Variants in SDK1 observed in about 807,000 individuals in gnomAD.
The protein encoded by SDK1 is sidekick cell adhesion molecule 1.
In SDK1, 157 loss-of-function variants were observed where a neutral mutation model predicts 245.5. The observed-to-expected ratio is 0.64, with a 90% CI of 0.56 to 0.73. The LOEUF (loss-of-function observed/expected upper bound fraction) is 0.73, where lower values mean the gene tolerates loss of function less well. SDK1 is among the 30% of genes least tolerant of loss of function. The probability of loss-of-function intolerance (pLI) is 0.00; values close to 1 mark genes in which losing one functional copy is unlikely to be tolerated. For synonymous variants in SDK1, 1,647 were observed against 1,278.5 expected (o/e 1.29, Z -6.15); for missense variants, 3,583 against 3,002.3 (o/e 1.19, Z -4.52).
intron 4 of SDK1, among the ~76,000 whole-genome samples, chr7:3,779,393 A>C (rs1780657545): frequency 6.6e-6 from 1 of 152,064 alleles, no homozygotes; most frequent in African/African-American, 2.4e-5. Flanking sequence ...GACAGATGGG[A>C]GACATCGAAC....
intron 4 of SDK1, among the ~76,000 whole-genome samples, chr7:3,730,341 T>C (rs530661121): frequency 6.6e-6 from 1 of 152,364 alleles, no homozygotes; most frequent in South Asian, 2.1e-4. Flanking sequence ...ATCAGGCTGC[T>C]TTCTTCAGCC....
intron 4 of SDK1, among the ~76,000 whole-genome samples, chr7:3,685,015 A>T (rs933661481): frequency 1.3e-5 from 2 of 152,158 alleles, no homozygotes; most frequent in African/African-American, 4.8e-5. Context: ...GAGAGGTAAC[A>T]TTGGTATCAT....
At chr7:3,941,274 G>C (rs758694127) in intron 5 of SDK1, among the ~76,000 whole-genome samples, 1 of 151,922 alleles carries the variant, frequency 6.6e-6, no homozygotes, top group East Asian at 1.9e-4. Flanking sequence ...TTCCCAAACC[G>C]TGTGGTAGGC....
chr7:3,863,056 C>G (rs554295312), intron 5 of SDK1, among the ~76,000 whole-genome samples: 1 of 152,176 alleles, frequency 6.6e-6, no homozygotes, highest in African/African-American at 2.4e-5. Flanking sequence ...GGAACCCATA[C>G]CAGTCTGCGG....
chr7:3,526,355 ATTT>A (rs1783130813), intron 1 of SDK1, among the ~76,000 whole-genome samples: 1 of 152,126 alleles, frequency 6.6e-6, no homozygotes, highest in Non-Finnish European at 1.5e-5. Flanking sequence ...ATCTGGCAAT[ATTT>A]TTCACATATT....
At chr7:3,343,450 C>T (rs1335757663) in intron 1 of SDK1, among the ~76,000 whole-genome samples, 1 of 152,032 alleles carries the variant, frequency 6.6e-6, no homozygotes, top group Admixed American at 6.5e-5. Flanking sequence ...TATGAAATGA[C>T]AAAATTCTAG....
At chr7:3,561,270 C>T (rs1270697055) in intron 1 of SDK1, among the ~76,000 whole-genome samples, 1 of 152,202 alleles carries the variant, frequency 6.6e-6, no homozygotes, top group African/African-American at 2.4e-5. Flanking sequence ...CTAACACCCT[C>T]AAAAGACTGC....
At chr7:3,687,207 C>T (rs1230215029) in intron 4 of SDK1, among the ~76,000 whole-genome samples, 1 of 148,592 alleles carries the variant, frequency 6.7e-6, no homozygotes, top group African/African-American at 2.5e-5. Flanking sequence ...GAGTCTCTCT[C>T]TGTCGCCAGG....
At chr7:3,920,417 G>C (rs921177322) in intron 5 of SDK1, among the ~76,000 whole-genome samples, 2 of 152,266 alleles carry the variant, frequency 1.3e-5, no homozygotes, top group East Asian at 3.9e-4. Flanking sequence ...GTCAAGGTCA[G>C]CGGGATTTAT....
At chr7:3,755,346 C>T (rs926777820) in intron 4 of SDK1, among the ~76,000 whole-genome samples, 1 of 152,118 alleles carries the variant, frequency 6.6e-6, no homozygotes, top group African/African-American at 2.4e-5. Flanking sequence ...CTGTTCGGTG[C>T]CCATGACTGC....
intron 25 of SDK1, among the ~76,000 whole-genome samples, chr7:4,117,279 G>T (rs1406335165): frequency 1.3e-5 from 2 of 152,060 alleles, no homozygotes; most frequent in Non-Finnish European, 2.9e-5. Flanking sequence ...ACCAGCCTAG[G>T]CAACATAGTG....
At chr7:3,566,557 G>C (rs931419491) in intron 1 of SDK1, among the ~76,000 whole-genome samples, 5 of 152,068 alleles carry the variant, frequency 3.3e-5, no homozygotes, top group African/African-American at 1.2e-4. Flanking sequence ...AGCAGTAGAG[G>C]AAAATTGATC....
chr7:4,213,580 T>C (rs1457538831), intron 38 of SDK1, among the ~76,000 whole-genome samples: 1 of 148,430 alleles, frequency 6.7e-6, no homozygotes, highest in Non-Finnish European at 1.5e-5. Flanking sequence ...CGAGATTCTG[T>C]CTCAAAAAAA....
At chr7:3,895,666 A>G (rs1159361433) in intron 5 of SDK1, among the ~76,000 whole-genome samples, 1 of 152,172 alleles carries the variant, frequency 6.6e-6, no homozygotes, top group African/African-American at 2.4e-5. Flanking sequence ...AGTTGCGTAA[A>G]GTGGATACTT....
intron 17 of SDK1, among the ~76,000 whole-genome samples, chr7:4,039,432 G>T (rs1428568791): frequency 6.6e-6 from 1 of 152,108 alleles, no homozygotes; most frequent in Non-Finnish European, 1.5e-5. Flanking sequence ...AAAGTGGCCT[G>T]TAGGCCTTAA....
chr7:3,639,191 T>A (rs902281401), intron 3 of SDK1, 81 bp downstream of exon 3: 3 of 690,858 alleles, frequency 4.3e-6, no homozygotes, highest in Admixed American at 5.1e-5. Flanking sequence ...TTTTCACCAT[T>A]GTAGGAACTG....
intron 5 of SDK1, among the ~76,000 whole-genome samples, chr7:3,868,741 C>T (rs1362148383): frequency 2.0e-5 from 3 of 152,158 alleles, no homozygotes; most frequent in African/African-American, 4.8e-5. Context: ...AAACCAAGGG[C>T]ACTTCCAGGG....
rs1562595131 is a variant in SDK1 at position 3,603,183 on chromosome 7, A to G, written c.299-15897A>G. 3.6e-5 allele frequency among the ~76,000 whole-genome samples: 5 copies of G among 137,126 alleles called. No homozygotes were observed. In the South Asian group the frequency reaches 1.1e-3, roughly 31 times the overall value. The allele number at this position is 137,126 out of a possible 152,430, so 90.0% of individuals were successfully genotyped here. ...GATGCGGGCTCTTTTTTGGTTCCAG[A>G]TGAACTTTAAAGTAGTTTTTTCCAA... On this transcript the variant is annotated intron_variant, in intron 1 of 44. Transcript: ENST00000404826.
At chr7:3,934,712 G>A (rs1003062427) in intron 5 of SDK1, among the ~76,000 whole-genome samples, 7 of 152,228 alleles carry the variant, frequency 4.6e-5, no homozygotes, top group African/African-American at 9.6e-5. Context: ...GTCCAAATGC[G>A]CAAGGCTGAA....
Sources: gnomAD v4.1 joint callset for allele counts (sites outside exome capture counted in the v4.1 genomes callset) on GRCh38, gnomAD v4.1.1 for gene constraint, MANE v1.5 for transcripts, NCBI Gene and HGNC (gene_info 2026-07-23, HGNC 2026-07-21) for gene names.